Variants in MTRF1 observed in about 807,000 individuals in gnomAD.
MTRF1 encodes mitochondrial translation release factor 1.
Under a neutral mutation model 62.9 loss-of-function variants are expected in MTRF1, and 51 were observed. That is an observed-to-expected ratio of 0.81 (90% CI 0.65 to 1.02). The LOEUF is 1.02. Among genes scored for constraint, MTRF1 ranks in the 50% least tolerant of loss-of-function variants. The pLI, the probability that MTRF1 is intolerant of heterozygous loss-of-function variation, is 0.00. For missense variants in MTRF1, 446 were observed against 530.0 expected (o/e 0.84, Z 1.56); for synonymous variants, 158 against 181.9 (o/e 0.87, Z 1.06).
the MTRF1 span, among the ~76,000 whole-genome samples, chr13:41,270,215 T>C: frequency 1.3e-5 from 2 of 152,328 alleles, no homozygotes; most frequent in East Asian, 3.8e-4. Flanking sequence ...CAAACAAAAA[T>C]TTATGTTGGC....
At chr13:41,309,776 C>G in the MTRF1 span, among the ~76,000 whole-genome samples, 1 of 152,102 alleles carries the variant, frequency 6.6e-6, no homozygotes, top group Admixed American at 6.5e-5. Flanking sequence ...GTGGGCAGAT[C>G]ACCTGAGGTC....
At chr13:41,229,610 T>G (rs2035140253) in intron 7 of MTRF1, 1 of 152,238 alleles carries the variant, frequency 6.6e-6, no homozygotes, top group South Asian at 2.1e-4. Flanking sequence ...TTTAAAGTAT[T>G]CTGGTTTGTC....
intron 3 of MTRF1, 56 bp from the exon 4 acceptor site, chr13:41,253,086 TTAAA>T (rs1418733189): frequency 1.5e-6 from 2 of 1,306,496 alleles, no homozygotes; most frequent in East Asian, 2.4e-5. Context: ...TATTACTGAA[TTAAA>T]TAAAGGCCCG....
chr13:41,272,116 G>A, the MTRF1 span, among the ~76,000 whole-genome samples: 51 of 152,230 alleles, frequency 3.4e-4, no homozygotes, highest in African/African-American at 8.9e-4. Context: ...AAAGAGATCA[G>A]GTCATGTAAA....
intron 2 of MTRF1, 87 bp from the exon 3 acceptor site, chr13:41,254,707 A>G: frequency 4.2e-6 from 4 of 956,052 alleles, no homozygotes; most frequent in Non-Finnish European, 6.4e-6. Flanking sequence ...TTGGCTACTA[A>G]GTTTTATTTC....
chr13:41,293,824 A>G, the MTRF1 span, among the ~76,000 whole-genome samples: 1 of 152,216 alleles, frequency 6.6e-6, no homozygotes, highest in African/African-American at 2.4e-5. Flanking sequence ...ATTAATAGAT[A>G]CTAATTAAAT....
At chr13:41,282,840 C>A in the MTRF1 span, among the ~76,000 whole-genome samples, 1 of 152,126 alleles carries the variant, frequency 6.6e-6, no homozygotes, top group Admixed American at 6.5e-5. Context: ...AGGGCTATGC[C>A]CCATATGGGC....
the MTRF1 span, among the ~76,000 whole-genome samples, chr13:41,282,915 C>A: frequency 6.6e-6 from 1 of 152,222 alleles, no homozygotes; most frequent in Admixed American, 6.5e-5. Context: ...GGCGACTGCC[C>A]TTGGGTCAGT....
the MTRF1 span, chr13:41,311,698 CTT>C: frequency 1.1e-6 from 1 of 946,764 alleles, no homozygotes; most frequent in East Asian, 2.9e-5. Context: ...GCCCACCGCT[CTT>C]TGTTTACCTC....
At chr13:41,300,404 G>A in the MTRF1 span, among the ~76,000 whole-genome samples, 1 of 152,032 alleles carries the variant, frequency 6.6e-6, no homozygotes, top group Non-Finnish European at 1.5e-5. Flanking sequence ...GGCCAACATG[G>A]TGAAACCCCG....
chr13:41,274,152 A>G, the MTRF1 span, among the ~76,000 whole-genome samples: 2 of 152,168 alleles, frequency 1.3e-5, no homozygotes, highest in African/African-American at 2.4e-5. Flanking sequence ...CTTTCACAGG[A>G]ACAATGGGAA....
chr13:41,264,297 C>A (rs17532868), upstream of MTRF1, among the ~76,000 whole-genome samples: 3,015 of 152,316 alleles, frequency 0.02, 41 homozygotes, highest in Non-Finnish European at 0.03. Flanking sequence ...GTTCTTTGCA[C>A]ATGGGAATGT....
intron 9 of MTRF1, among the ~76,000 whole-genome samples, chr13:41,217,716 T>C (rs2032188545): frequency 6.6e-6 from 1 of 152,238 alleles, no homozygotes; most frequent in South Asian, 2.1e-4. Context: ...AGGTCTCAAT[T>C]CCACAAGCAA....
At chr13:41,306,595 G>T in the MTRF1 span, among the ~76,000 whole-genome samples, 1 of 152,202 alleles carries the variant, frequency 6.6e-6, no homozygotes, top group African/African-American at 2.4e-5. Context: ...ATGGGGTGGA[G>T]AAAATCCTTT....
chr13:41,291,774 C>A, the MTRF1 span, among the ~76,000 whole-genome samples: 70 of 152,236 alleles, frequency 4.6e-4, no homozygotes, highest in African/African-American at 1.5e-3. Flanking sequence ...ACAGATCCAA[C>A]AAATTTTTTC....
intron 5 of MTRF1, among the ~76,000 whole-genome samples, chr13:41,250,951 G>A (rs2038988053): frequency 6.6e-6 from 1 of 152,126 alleles, no homozygotes; most frequent in African/African-American, 2.4e-5. Context: ...TCTCCTTTGT[G>A]TCAGAATAGA....
At chr13:41,273,108 C>T in the MTRF1 span, among the ~76,000 whole-genome samples, 86 of 152,004 alleles carry the variant, frequency 5.7e-4, no homozygotes, top group East Asian at 5.8e-3. Flanking sequence ...GGGTGGATCA[C>T]GAGGTCAGGA....
At chr13:41,269,185 G>GTTTTTTTTTTTTTTTGTTTTTTTTTTTTT in the MTRF1 span, among the ~76,000 whole-genome samples, 1 of 96,464 alleles carries the variant, frequency 1.0e-5, no homozygotes, top group African/African-American at 4.1e-5. Context: ...CTTTTACCTT[G>GTTTTTTTTTTTTTTTGTTTTTTTTTTTTT]TTTTTTTTTT....
At chr13:41,304,849 G>A in the MTRF1 span, among the ~76,000 whole-genome samples, 26 of 152,222 alleles carry the variant, frequency 1.7e-4, no homozygotes, top group African/African-American at 6.0e-4. Context: ...CAGAGTACAT[G>A]TGTGATCTCT....
Sources: gnomAD v4.1 joint callset for allele counts (sites outside exome capture counted in the v4.1 genomes callset) on GRCh38, gnomAD v4.1.1 for gene constraint, MANE v1.5 for transcripts, NCBI Gene and HGNC (gene_info 2026-07-23, HGNC 2026-07-21) for gene names.